NEGR1: variants seen among roughly 807,000 people sequenced by gnomAD.
The protein encoded by NEGR1 is neuronal growth regulator 1.
Under a neutral mutation model 40.9 loss-of-function variants are expected in NEGR1, and 10 were observed. The ratio of observed to expected loss-of-function variants is 0.24; its 90% CI spans 0.15 to 0.42. NEGR1 has a LOEUF of 0.42. NEGR1 is among the 10% of genes least tolerant of loss of function. The pLI, the probability that NEGR1 is intolerant of heterozygous loss-of-function variation, is 1.00. For synonymous variants in NEGR1, 185 were observed against 166.8 expected (o/e 1.11, Z -0.84); for missense variants, 352 against 438.9 (o/e 0.80, Z 1.77).
At chr1:71,934,074 C>T (rs1420502830) in intron 2 of NEGR1, among the ~76,000 whole-genome samples, 1 of 152,042 alleles carries the variant, frequency 6.6e-6, no homozygotes, top group African/African-American at 2.4e-5. Flanking sequence ...AGGAATAAAA[C>T]ATGCATGCTC....
chr1:71,432,813 C>T (rs1048115850), intron 6 of NEGR1, among the ~76,000 whole-genome samples: 9 of 152,150 alleles, frequency 5.9e-5, no homozygotes, highest in East Asian at 1.9e-4. Context: ...GGATCCAAGC[C>T]CCCATTCTTG....
intron 2 of NEGR1, among the ~76,000 whole-genome samples, chr1:71,809,247 C>T (rs1657896703): frequency 6.6e-6 from 1 of 152,104 alleles, no homozygotes; most frequent in African/African-American, 2.4e-5. Context: ...TCATCACACT[C>T]CTCCCATCAT....
At chr1:72,091,431 C>T (rs922172073) in intron 1 of NEGR1, among the ~76,000 whole-genome samples, 1 of 130,732 alleles carries the variant, frequency 7.6e-6, no homozygotes. Flanking sequence ...TTCCCTCCTT[C>T]CCTCCCTCCC....
At chr1:71,733,726 T>A (rs1235117696) in intron 3 of NEGR1, among the ~76,000 whole-genome samples, 2 of 152,148 alleles carry the variant, frequency 1.3e-5, no homozygotes, top group Admixed American at 1.3e-4. Context: ...CAGAGCTCAT[T>A]TGTTAAAACA....
rs114159698 is a variant in NEGR1 at position 71,591,472 on chromosome 1, G to A, written c.940+1345C>T. On this transcript the variant is annotated intron_variant, in intron 6 of 6. Transcript: ENST00000357731. ...CTTAAATTTTTCTTTACTTTGCCGT[G>A]TTAATTCATTTATTCTTTCAAGTGC... Among the ~76,000 whole-genome samples, 1,189 of 152,046 alleles carry A rather than the reference G, an allele frequency of 7.8e-3. 28 individuals carry two copies. The highest frequency in any genetic ancestry group is 0.028 in the African/African-American group (1,142 of 41,500).
At chr1:72,152,327 A>G (rs950205030) in intron 1 of NEGR1, among the ~76,000 whole-genome samples, 1 of 151,904 alleles carries the variant, frequency 6.6e-6, no homozygotes, top group African/African-American at 2.4e-5. Flanking sequence ...AATACTACAC[A>G]TAGAATGCTA....
intron 4 of NEGR1, among the ~76,000 whole-genome samples, chr1:71,628,788 C>A (rs571383382): frequency 6.6e-6 from 1 of 152,192 alleles, no homozygotes; most frequent in African/African-American, 2.4e-5. Flanking sequence ...TGTATATATG[C>A]CACATTTTCT....
intron 3 of NEGR1, chr1:71,738,479 T>C (rs1655108631): frequency 6.5e-6 from 1 of 154,958 alleles, no homozygotes; most frequent in African/African-American, 2.4e-5. Context: ...TAAATGTCAA[T>C]ATGAGGGCAT....
intron 1 of NEGR1, among the ~76,000 whole-genome samples, chr1:72,275,358 G>A (rs1405745516): frequency 6.6e-6 from 1 of 151,732 alleles, no homozygotes; most frequent in African/African-American, 2.4e-5. Flanking sequence ...CTAGTCATAC[G>A]GTAATTTTTG....
chr1:71,630,280 G>T (rs542682390), intron 4 of NEGR1, among the ~76,000 whole-genome samples: 3 of 151,888 alleles, frequency 2.0e-5, no homozygotes, highest in Non-Finnish European at 4.4e-5. Context: ...CCTATTAGAA[G>T]CAGTTTATGT....
chr1:72,240,231 T>A (rs1654688235), intron 1 of NEGR1, among the ~76,000 whole-genome samples: 1 of 151,782 alleles, frequency 6.6e-6, no homozygotes, highest in Non-Finnish European at 1.5e-5. Flanking sequence ...GATGAGACAA[T>A]GTTGAAGATG....
intron 6 of NEGR1, among the ~76,000 whole-genome samples, chr1:71,588,638 T>C (rs1341585852): frequency 1.3e-5 from 2 of 152,192 alleles, no homozygotes; most frequent in Non-Finnish European, 2.9e-5. Flanking sequence ...CTACTTAAAA[T>C]TATAGGTCCT....
At chr1:71,544,993 C>T (rs1005635734) in intron 6 of NEGR1, among the ~76,000 whole-genome samples, 52 of 151,796 alleles carry the variant, frequency 3.4e-4, no homozygotes, top group African/African-American at 1.2e-3. Flanking sequence ...GCTATAGCAG[C>T]TGATTGGCTG....
At chr1:71,535,239 A>C (rs1647478180) in intron 6 of NEGR1, among the ~76,000 whole-genome samples, 2 of 151,676 alleles carry the variant, frequency 1.3e-5, no homozygotes, top group South Asian at 4.1e-4. Flanking sequence ...TGGACATGTG[A>C]TCTTCAATTT....
chr1:71,539,471 C>T (rs2101454853), intron 6 of NEGR1, among the ~76,000 whole-genome samples: 2 of 151,796 alleles, frequency 1.3e-5, no homozygotes, highest in East Asian at 3.9e-4. Context: ...AACAAATGCA[C>T]AAGATAGACT....
intron 2 of NEGR1, among the ~76,000 whole-genome samples, chr1:71,866,136 A>T (rs762390878): frequency 2.6e-5 from 4 of 152,088 alleles, no homozygotes; most frequent in Non-Finnish European, 4.4e-5. Flanking sequence ...AGGAAATAAT[A>T]ATGAGGAAAG....
chr1:72,125,415 C>T (rs1049522025), intron 1 of NEGR1, among the ~76,000 whole-genome samples: 11 of 151,692 alleles, frequency 7.3e-5, no homozygotes, highest in Admixed American at 2.6e-4. Flanking sequence ...TTATAGTATG[C>T]CACGCTATGT....
At chr1:71,820,699 G>A (rs1425522130) in intron 2 of NEGR1, among the ~76,000 whole-genome samples, 1 of 151,930 alleles carries the variant, frequency 6.6e-6, no homozygotes, top group African/African-American at 2.4e-5. Flanking sequence ...GGTCACTGGG[G>A]TCAGAGCTAT....
intron 1 of NEGR1, among the ~76,000 whole-genome samples, chr1:72,071,242 T>C (rs1647450276): frequency 6.6e-6 from 1 of 151,626 alleles, no homozygotes; most frequent in African/African-American, 2.4e-5. Flanking sequence ...AAACAATACA[T>C]GAAATGAAAG....
Sources: allele counts gnomAD v4.1 joint callset (sites outside exome capture counted in the v4.1 genomes callset), GRCh38; gene constraint gnomAD v4.1.1; transcripts MANE v1.5; gene names NCBI Gene and HGNC (gene_info 2026-07-23, HGNC 2026-07-21).